Variants in ROBO2 observed in about 807,000 individuals in gnomAD.
ROBO2 encodes the protein roundabout homolog 2.
A neutral mutation model predicts 160.8 loss-of-function variants in ROBO2; 53 were observed. The observed-to-expected ratio is 0.33, with a 90% CI of 0.26 to 0.41. The LOEUF is 0.41. ROBO2 is among the 10% of genes least tolerant of loss of function. The pLI, the probability that ROBO2 is intolerant of heterozygous loss-of-function variation, is 1.00. For synonymous variants in ROBO2, 664 were observed against 611.7 expected, an observed-to-expected ratio of 1.09 and a Z score of -1.26; for missense variants, 1,577 against 1,722.4, an observed-to-expected ratio of 0.92 and a Z score of 1.49.
At chr3:76,693,283 G>A (rs201407010) in intron 2 of ROBO2, among the ~76,000 whole-genome samples, 2 of 131,896 alleles carry the variant, frequency 1.5e-5, no homozygotes, top group South Asian at 4.8e-4. Context: ...TCTATATATA[G>A]TGTGTATCTA....
chr3:77,411,726 T>C (rs1052884525), intron 2 of ROBO2, among the ~76,000 whole-genome samples: 2 of 152,222 alleles, frequency 1.3e-5, no homozygotes, highest in African/African-American at 4.8e-5. Flanking sequence ...GTGTAAACTC[T>C]ATCTGGAAGG....
At chr3:76,275,350 C>A (rs1250280734) in intron 2 of ROBO2, among the ~76,000 whole-genome samples, 3 of 152,044 alleles carry the variant, frequency 2.0e-5, no homozygotes, top group Admixed American at 6.6e-5. Context: ...AATGAGAGCA[C>A]CTGTTTCCTC....
intron 12 of ROBO2, among the ~76,000 whole-genome samples, chr3:77,567,093 A>C (rs2093505702): frequency 6.6e-6 from 1 of 152,032 alleles, no homozygotes; most frequent in Non-Finnish European, 1.5e-5. Flanking sequence ...AAATGAAAAA[A>C]AAAAAGTAGA....
chr3:77,336,188 C>G (rs1200969257), intron 2 of ROBO2, among the ~76,000 whole-genome samples: 1 of 151,962 alleles, frequency 6.6e-6, no homozygotes, highest in Non-Finnish European at 1.5e-5. Context: ...TTTGGAGGGC[C>G]CCTTTGGACT....
intron 6 of ROBO2, among the ~76,000 whole-genome samples, chr3:77,524,817 A>G (rs944231208): frequency 1.3e-5 from 2 of 151,142 alleles, no homozygotes; most frequent in Non-Finnish European, 3.0e-5. Context: ...AGCAAACCTT[A>G]AATAGCCTCT....
intron 2 of ROBO2, among the ~76,000 whole-genome samples, chr3:77,024,124 T>G (rs2149519282): frequency 6.6e-6 from 1 of 152,330 alleles, no homozygotes; most frequent in South Asian, 2.1e-4. Flanking sequence ...ATAGATTTAC[T>G]TAGCTATCTT....
intron 2 of ROBO2, among the ~76,000 whole-genome samples, chr3:76,169,814 C>A (rs1434229208): frequency 6.6e-6 from 1 of 152,140 alleles, no homozygotes; most frequent in Non-Finnish European, 1.5e-5. Flanking sequence ...CGGAGCCTCA[C>A]TCTGTCACCC....
chr3:75,925,390 C>T (rs1368415428), intron 1 of ROBO2, among the ~76,000 whole-genome samples: 1 of 152,032 alleles, frequency 6.6e-6, no homozygotes, highest in Non-Finnish European at 1.5e-5. Flanking sequence ...ACCCTGTCTC[C>T]ATTCAATAAA....
intron 2 of ROBO2, among the ~76,000 whole-genome samples, chr3:76,107,192 T>C (rs2069978182): frequency 6.6e-6 from 1 of 152,106 alleles, no homozygotes; most frequent in Non-Finnish European, 1.5e-5. Flanking sequence ...TTGAGGTAGT[T>C]ATTGTTACTA....
chr3:77,491,098 C>G (rs2086049379), intron 4 of ROBO2, among the ~76,000 whole-genome samples: 2 of 152,186 alleles, frequency 1.3e-5, no homozygotes, highest in Admixed American at 6.5e-5. Flanking sequence ...ATCACTCACT[C>G]TCTGTCTAGC....
intron 2 of ROBO2, among the ~76,000 whole-genome samples, chr3:76,695,028 C>T (rs1031116722): frequency 2.0e-5 from 3 of 152,034 alleles, no homozygotes; most frequent in Admixed American, 6.6e-5. Context: ...CGCTTGAATT[C>T]GGGAGGTGGA....
intron 1 of ROBO2, among the ~76,000 whole-genome samples, chr3:75,917,278 A>T (rs1454970049): frequency 4.6e-5 from 7 of 152,050 alleles, no homozygotes; most frequent in Non-Finnish European, 1.0e-4. Flanking sequence ...TATGAGTGAG[A>T]ACACACAGTG....
chr3:76,723,464 G>A (rs2093497059), intron 2 of ROBO2, among the ~76,000 whole-genome samples: 1 of 152,042 alleles, frequency 6.6e-6, no homozygotes, highest in South Asian at 2.1e-4. Flanking sequence ...AGAAAATAAT[G>A]TTCTGGGAAG....
At chr3:76,562,869 T>C (rs778005384) in intron 2 of ROBO2, among the ~76,000 whole-genome samples, 1 of 152,182 alleles carries the variant, frequency 6.6e-6, no homozygotes, top group Non-Finnish European at 1.5e-5. Flanking sequence ...CCTAATTTGC[T>C]CTGTGAGCAG....
intron 2 of ROBO2, among the ~76,000 whole-genome samples, chr3:77,469,735 C>T (rs1582219442): frequency 6.6e-6 from 1 of 152,008 alleles, no homozygotes; most frequent in African/African-American, 2.4e-5. Flanking sequence ...TTCTTAAATC[C>T]AAACAATTCA....
chr3:76,326,598 TTA>T (rs1378969154), intron 2 of ROBO2, among the ~76,000 whole-genome samples: 3 of 151,106 alleles, frequency 2.0e-5, no homozygotes, highest in African/African-American at 7.4e-5. Flanking sequence ...TGCAGAATTA[TTA>T]TCTTTTATTT....
intron 4 of ROBO2, among the ~76,000 whole-genome samples, chr3:77,485,477 C>T (rs76407729): frequency 0.031 from 4,731 of 151,940 alleles, 239 homozygotes; most frequent in African/African-American, 0.11. Flanking sequence ...GGTCTCTTTA[C>T]CCCAGTTTTC....
intron 2 of ROBO2, among the ~76,000 whole-genome samples, chr3:76,295,791 G>C (rs1221173906): frequency 1.3e-5 from 2 of 152,024 alleles, no homozygotes; most frequent in East Asian, 1.9e-4. Flanking sequence ...ATTATCTAAC[G>C]TCCCTGAGCC....
Position 77,617,782 on chromosome 3 carries a change from C to T in ROBO2, c.3554+9C>T. 5.0e-6 allele frequency: 8 copies of T among 1,610,262 alleles called. No homozygotes were observed. The highest frequency in any genetic ancestry group is 6.8e-6 in the Non-Finnish European group (8 of 1,179,810). On this transcript the variant is annotated intron_variant, in intron 22 of 25. Transcript: ENST00000461745. ...ATAGCAAAACAAACATGGTAAATAT[C>T]TTCATTAAGTCAAGAGACCCATGCT...
Sources: gnomAD v4.1 joint callset for allele counts (sites outside exome capture counted in the v4.1 genomes callset) on GRCh38, gnomAD v4.1.1 for gene constraint, MANE v1.5 for transcripts, NCBI Gene and HGNC (gene_info 2026-07-23, HGNC 2026-07-21) for gene names.